Variants in ZEB1 observed in about 807,000 individuals in gnomAD.
ZEB1 encodes zinc finger E-box binding homeobox 1, also known as zinc finger E-box-binding homeobox 1.
ZEB1 carries 21 observed loss-of-function variants against 84.9 expected under a neutral mutation model. That is an observed-to-expected ratio of 0.25 (90% CI 0.18 to 0.36). The LOEUF (loss-of-function observed/expected upper bound fraction) is 0.36. ZEB1 is among the 10% of genes least tolerant of loss of function. The pLI, the probability that ZEB1 is intolerant of heterozygous loss-of-function variation, is 1.00. For missense variants in ZEB1, 1,104 were observed against 1,330.2 expected (o/e 0.83, Z 2.65); for synonymous variants, 420 against 471.1 (o/e 0.89, Z 1.41).
intron 2 of ZEB1, among the ~76,000 whole-genome samples, chr10:31,482,408 G>C (rs2065160139): frequency 6.6e-6 from 1 of 151,682 alleles, no homozygotes; most frequent in African/African-American, 2.4e-5. Flanking sequence ...TCAAATTTTG[G>C]TAGAGGTTAC....
intron 2 of ZEB1, among the ~76,000 whole-genome samples, chr10:31,477,345 T>A (rs2064360190): frequency 6.6e-6 from 1 of 151,580 alleles, no homozygotes; most frequent in South Asian, 2.1e-4. Flanking sequence ...ACCAAAGAGG[T>A]GAAAGTTCTC....
chr10:31,458,358 GTGTGTGTA>G (rs1355138407), intron 1 of ZEB1, among the ~76,000 whole-genome samples: 6 of 149,116 alleles, frequency 4.0e-5, no homozygotes, highest in Non-Finnish European at 8.9e-5. Flanking sequence ...GTGTGTGTGT[GTGTGTGTA>G]TTTGCCTCTT....
intron 1 of ZEB1, among the ~76,000 whole-genome samples, chr10:31,414,763 T>C (rs2054919531): frequency 1.3e-5 from 2 of 152,190 alleles, no homozygotes; most frequent in Admixed American, 1.3e-4. Flanking sequence ...CTAAACCCTT[T>C]ACCTGTCATA....
At chr10:31,425,521 G>T (rs1162110412) in intron 1 of ZEB1, among the ~76,000 whole-genome samples, 1 of 152,004 alleles carries the variant, frequency 6.6e-6, no homozygotes, top group South Asian at 2.1e-4. Context: ...AAAAATTACT[G>T]TGTATATATT....
intron 2 of ZEB1, among the ~76,000 whole-genome samples, chr10:31,461,865 A>C (rs2061858628): frequency 6.6e-6 from 1 of 152,106 alleles, no homozygotes; most frequent in Admixed American, 6.6e-5. Context: ...CTAGCTCTAA[A>C]ATTTCTTCTT....
At chr10:31,496,587 A>C (rs1479070562) in intron 3 of ZEB1, among the ~76,000 whole-genome samples, 1 of 152,114 alleles carries the variant, frequency 6.6e-6, no homozygotes, top group African/African-American at 2.4e-5. Context: ...TGTAAACTTC[A>C]AAAATGCATT....
chr10:31,445,514 C>G (rs1199541347), intron 1 of ZEB1, among the ~76,000 whole-genome samples: 23 of 151,110 alleles, frequency 1.5e-4, no homozygotes, highest in Admixed American at 1.3e-4. Context: ...GGGAATGCTT[C>G]CAGTTTTTGC....
At chr10:31,410,043 A>G (rs552366041) in intron 1 of ZEB1, among the ~76,000 whole-genome samples, 1 of 152,280 alleles carries the variant, frequency 6.6e-6, no homozygotes, top group South Asian at 2.1e-4. Context: ...TTCCAATACT[A>G]TGTTGAATAG....
intron 4 of ZEB1, among the ~76,000 whole-genome samples, chr10:31,508,325 G>T (rs542502439): frequency 6.6e-6 from 1 of 152,140 alleles, no homozygotes; most frequent in Non-Finnish European, 1.5e-5. Context: ...AGGTGGGCAG[G>T]TTCTCAGGCT....
Position 31,520,791 on chromosome 10 carries a change from C to G in ZEB1, c.1459C>G (p.Gln487Glu), listed in dbSNP as rs575804925. Residue 487 changes from glutamine (Q) to glutamate (E), a missense_variant, in exon 7 of 9, where the codon CAA becomes GAA. Coordinates refer to ENST00000424869, the MANE Select transcript of ZEB1 (RefSeq NM_001174096.2). This position sits in a 1 kb window ranked among gnomAD's most constrained non-coding sequence, Gnocchi z 5.1. ...CAGTCTTGAGCAGCCTAGCCAACTT[C>G]AAGTTGTTCCTCAAAATTTAAAAAA... ...NYSLEQPSQL[Q>E]VVPQNLKKEN... The G allele has an allele frequency of 6.2e-7, 1 of 1,614,000 alleles. No homozygotes were observed. Among genetic ancestry groups the G allele is most frequent in the South Asian group, 1.1e-5 (1 of 91,072 alleles).
chr10:31,487,541 T>C (rs1161106441), intron 2 of ZEB1, among the ~76,000 whole-genome samples: 2 of 151,420 alleles, frequency 1.3e-5, no homozygotes, highest in Non-Finnish European at 3.0e-5. Flanking sequence ...GTTTTTTTCT[T>C]TTAATTTGGT....
At chr10:31,371,532 T>C (rs1474777183) in intron 1 of ZEB1, among the ~76,000 whole-genome samples, 1 of 152,204 alleles carries the variant, frequency 6.6e-6, no homozygotes. Context: ...CTTCTTGATA[T>C]AAAGTCTTCT....
intron 1 of ZEB1, among the ~76,000 whole-genome samples, chr10:31,397,842 AG>A (rs1318488716): frequency 1.3e-5 from 2 of 152,144 alleles, no homozygotes; most frequent in Non-Finnish European, 2.9e-5. Flanking sequence ...CGTGGTTTAA[AG>A]TACAGTTTTT....
intron 1 of ZEB1, among the ~76,000 whole-genome samples, chr10:31,454,110 C>G (rs969829382): frequency 6.6e-6 from 1 of 152,138 alleles, no homozygotes; most frequent in African/African-American, 2.4e-5. Context: ...TGAACATACA[C>G]AAATCAACAA....
intron 7 of ZEB1, among the ~76,000 whole-genome samples, chr10:31,522,691 G>A (rs1490840200): frequency 6.6e-6 from 1 of 152,104 alleles, no homozygotes; most frequent in African/African-American, 2.4e-5. Flanking sequence ...CACTGATGTT[G>A]ATGTTTTCCC....
Position 31,452,742 on chromosome 10 carries a change from T to TGTGTGAGAGAGAGAGAGA in ZEB1, c.59-8294_59-8293insTGTGAGAGAGAGAGAGAG, listed in dbSNP as rs1387786622. On this transcript the variant is annotated intron_variant, in intron 1 of 8. Coordinates refer to ENST00000424869, the MANE Select transcript of ZEB1 (RefSeq NM_001174096.2). Reference sequence around the variant, plus strand: ...GTGTGTGTGTGTGTGTGTGTGTGTGTGAGAGAGAGAGAGAGAGAGAGAGAG... The same window carrying TGTGTGAGAGAGAGAGAGA: ...GTGTGTGTGTGTGTGTGTGTGTGTGTGTGTGAGAGAGAGAGAGAGAGAGAGAGAGAGAGAGAGAGAGAG... Among the ~76,000 whole-genome samples the TGTGTGAGAGAGAGAGAGA allele has an allele frequency of 5.7e-4, 52 of 90,810 alleles. 2 individuals are homozygous for TGTGTGAGAGAGAGAGAGA. Among genetic ancestry groups the TGTGTGAGAGAGAGAGAGA allele is most frequent in the African/African-American group, 2.4e-3 (47 of 19,580 alleles). The allele number at this position is 90,810 out of a possible 152,430, so 59.6% of individuals were successfully genotyped here. A position where few individuals can be genotyped will look rare whatever the true frequency, so the allele number is the denominator to read the frequency against.
intron 1 of ZEB1, among the ~76,000 whole-genome samples, chr10:31,362,029 C>T (rs547277965): frequency 1.3e-4 from 20 of 149,136 alleles, no homozygotes; most frequent in African/African-American, 4.0e-4. Flanking sequence ...CTCCTCGCTT[C>T]GCAGACGGGG....
intron 2 of ZEB1, among the ~76,000 whole-genome samples, chr10:31,479,635 T>A (rs1484848014): frequency 2.0e-5 from 3 of 151,936 alleles, no homozygotes; most frequent in African/African-American, 7.2e-5. Flanking sequence ...AATATTCTGA[T>A]ATTCACAGAT....
intron 1 of ZEB1, among the ~76,000 whole-genome samples, chr10:31,379,396 A>C (rs2047233521): frequency 6.6e-6 from 1 of 151,870 alleles, no homozygotes; most frequent in Non-Finnish European, 1.5e-5. Flanking sequence ...ACTGAAACTT[A>C]ACCAATTCTC....
Sources: gnomAD v4.1 joint callset for allele counts (sites outside exome capture counted in the v4.1 genomes callset) on GRCh38, gnomAD v4.1.1 for gene constraint, Gnocchi (gnomAD v3.1) non-coding constraint, MANE v1.5 for transcripts, NCBI Gene and HGNC (gene_info 2026-07-23, HGNC 2026-07-21) for gene names.